Variants in TTC28 observed in about 807,000 individuals in gnomAD.
TTC28 encodes tetratricopeptide repeat domain 28, also known as tetratricopeptide repeat protein 28.
Under a neutral mutation model 198.0 loss-of-function variants are expected in TTC28, and 61 were observed. The observed-to-expected ratio is 0.31, with a 90% CI of 0.25 to 0.38. The LOEUF is 0.38. Ranked by LOEUF, TTC28 falls within the 10% of genes least tolerant of loss-of-function variation. TTC28 has a pLI of 1.00. For synonymous variants in TTC28, 1,171 were observed against 1,297.8 expected, an observed-to-expected ratio of 0.90 and a Z score of 2.10; for missense variants, 2,678 against 3,164.0, an observed-to-expected ratio of 0.85 and a Z score of 3.69.
rs2050270207 is a variant in TTC28 at position 28,583,990 on chromosome 22, T to TTG, written c.381+45561_381+45562insCA. Among the ~76,000 whole-genome samples the TTG allele has an allele frequency of 1.3e-5, 2 of 151,166 alleles. 1 individual carries two copies. The highest frequency in any genetic ancestry group is 4.2e-4 in the South Asian group (2 of 4,798). On this transcript the variant is annotated intron_variant, in intron 2 of 22. Transcript: ENST00000397906. ...TTATTTTCTCTCTTTCTCCGTTTTT[T>TTG]TTTTGTTTTGTTTTTGTTTTGTTTT... is the stretch of plus-strand genomic sequence containing the variant.
chr22:28,485,341 C>G (rs1054287235), intron 2 of TTC28, among the ~76,000 whole-genome samples: 1 of 152,044 alleles, frequency 6.6e-6, no homozygotes, highest in African/African-American at 2.4e-5. Context: ...ATCTAGAGAC[C>G]AGAGTAATCT....
At chr22:28,482,701 C>T (rs1183621088) in intron 2 of TTC28, among the ~76,000 whole-genome samples, 4 of 152,222 alleles carry the variant, frequency 2.6e-5, no homozygotes, top group Admixed American at 1.3e-4. Flanking sequence ...AAGTAAAATC[C>T]CATACTCATT....
intron 2 of TTC28, among the ~76,000 whole-genome samples, chr22:28,471,494 A>G (rs2048095968): frequency 6.6e-6 from 1 of 152,182 alleles, no homozygotes; most frequent in African/African-American, 2.4e-5. Context: ...AGCTTGTATT[A>G]TTTGGTGAAG....
chr22:28,296,254 C>G lies in TTC28; in HGVS notation c.877G>C (p.Ala293Pro), dbSNP rs1177074370. ...AFFSKGNYRE[A>P]LTNHRHQLVL... ...AACTGATGCCTGTGGTTAGTGAGAG[C>G]CTCCCGGTAATTTCCTTTGGAGAAG... The change falls in exon 5 of 23, where the codon GCT becomes CCT. Residue 293 changes from alanine (A) to proline (P), a missense_variant. By Grantham distance (27) the Ala-to-Pro change is conservative. This residue lies in a region of TTC28 where 775 missense variants were observed against 845.9 expected (regional missense o/e 0.92). Coordinates refer to ENST00000397906, the MANE Select transcript of TTC28 (RefSeq NM_001145418.2). 1 of 1,550,874 alleles carries G rather than the reference C, an allele frequency of 6.4e-7. No homozygotes were observed. Among genetic ancestry groups the G allele is most frequent in the Non-Finnish European group, 8.7e-7 (1 of 1,146,698 alleles).
intron 12 of TTC28, among the ~76,000 whole-genome samples, chr22:28,056,980 C>G (rs201143074): frequency 6.6e-6 from 1 of 152,116 alleles, no homozygotes; most frequent in South Asian, 2.1e-4. Context: ...CAGCTTCTTA[C>G]TTTTTACTGG....
chr22:28,083,745 G>C (rs1941451474), intron 12 of TTC28, among the ~76,000 whole-genome samples: 4 of 152,206 alleles, frequency 2.6e-5, no homozygotes. Flanking sequence ...AAGGGGTCAG[G>C]GAATTCCCTT....
At chr22:28,094,392 C>G (rs1284297123) in intron 11 of TTC28, 147 bp from the exon 12 acceptor site, 1 of 911,882 alleles carries the variant, frequency 1.1e-6, no homozygotes, top group Non-Finnish European at 1.6e-6. Context: ...TCCTGAAATC[C>G]AAGGTCTCAA....
chr22:28,648,787 T>A (rs1447224268), intron 1 of TTC28, among the ~76,000 whole-genome samples: 1 of 152,142 alleles, frequency 6.6e-6, no homozygotes, highest in East Asian at 1.9e-4. Context: ...CCTGTGCCTG[T>A]AGTCCTGGCT....
intron 2 of TTC28, among the ~76,000 whole-genome samples, chr22:28,470,224 AT>A (rs1222548594): frequency 6.6e-6 from 1 of 152,226 alleles, no homozygotes; most frequent in African/African-American, 2.4e-5. Context: ...CAGGAAACTA[AT>A]ATAGAGACAA....
At chr22:28,506,383 G>T (rs1192389167) in intron 2 of TTC28, among the ~76,000 whole-genome samples, 6 of 152,002 alleles carry the variant, frequency 3.9e-5, no homozygotes. Context: ...CTCCAGCAAG[G>T]GTTCTACAGA....
intron 6 of TTC28, among the ~76,000 whole-genome samples, chr22:28,134,087 T>G (rs1313960716): frequency 6.6e-6 from 1 of 152,170 alleles, no homozygotes; most frequent in Non-Finnish European, 1.5e-5. Flanking sequence ...GCTGCTGATA[T>G]CCAGGCAAAC....
At chr22:27,992,428 A>G (rs1423532702) in intron 19 of TTC28, 159 bp downstream of exon 19, 2 of 726,192 alleles carry the variant, frequency 2.8e-6, no homozygotes, top group Admixed American at 5.9e-5. Flanking sequence ...CTTGCCAGGC[A>G]GGGCTATTCT....
At chr22:28,061,626 T>C (rs1231056636) in intron 12 of TTC28, among the ~76,000 whole-genome samples, 1 of 152,228 alleles carries the variant, frequency 6.6e-6, no homozygotes, top group South Asian at 2.1e-4. Context: ...TGTAGCTTTG[T>C]AGTACAGTTT....
intron 1 of TTC28, among the ~76,000 whole-genome samples, chr22:28,650,993 A>G (rs2051554760): frequency 6.6e-6 from 1 of 152,244 alleles, no homozygotes; most frequent in African/African-American, 2.4e-5. Context: ...GAACACAGCC[A>G]TATCCATTCA....
At chr22:28,250,510 G>A (rs1200680332) in intron 5 of TTC28, among the ~76,000 whole-genome samples, 1 of 152,118 alleles carries the variant, frequency 6.6e-6, no homozygotes, top group Admixed American at 6.6e-5. Flanking sequence ...GGACTTACCA[G>A]CAGATACCAA....
chr22:28,540,503 A>G (rs1418611742), intron 2 of TTC28, among the ~76,000 whole-genome samples: 1 of 152,158 alleles, frequency 6.6e-6, no homozygotes, highest in African/African-American at 2.4e-5. Context: ...ACATAACAGC[A>G]TTTTACCATC....
intron 2 of TTC28, among the ~76,000 whole-genome samples, chr22:28,470,985 A>T (rs998413684): frequency 6.6e-6 from 1 of 152,224 alleles, no homozygotes; most frequent in African/African-American, 2.4e-5. Flanking sequence ...TGCTTCACAA[A>T]TCAAACCTAT....
chr22:28,031,888 T>C (rs917603323), intron 12 of TTC28, among the ~76,000 whole-genome samples: 3 of 151,988 alleles, frequency 2.0e-5, no homozygotes, highest in East Asian at 1.9e-4. Flanking sequence ...TGCTTATCCA[T>C]TGAAGGCCTG....
At chr22:28,050,020 T>C (rs935401965) in intron 12 of TTC28, among the ~76,000 whole-genome samples, 21 of 152,098 alleles carry the variant, frequency 1.4e-4, no homozygotes, top group Non-Finnish European at 2.2e-4. Flanking sequence ...CTGAGTGTCA[T>C]GGTCCTACTT....
Sources: allele counts gnomAD v4.1 joint callset (sites outside exome capture counted in the v4.1 genomes callset), GRCh38; gene constraint gnomAD v4.1.1; regional missense constraint gnomAD v4.1.1; transcripts MANE v1.5; gene names NCBI Gene and HGNC (gene_info 2026-07-23, HGNC 2026-07-21).